The following PNPLA6 variants were observed in gnomAD, a reference collection of about 807,000 sequenced individuals.
PNPLA6 encodes the protein patatin like domain 6, lysophospholipase, also known as patatin-like phospholipase domain-containing protein 6.
Under a neutral mutation model 153.7 loss-of-function variants are expected in PNPLA6, and 105 were observed. The ratio of observed to expected loss-of-function variants is 0.68; its 90% CI spans 0.58 to 0.80. PNPLA6 has a LOEUF of 0.80. PNPLA6 is among the 30% of genes least tolerant of loss of function. The pLI, the probability that PNPLA6 is intolerant of heterozygous loss-of-function variation, is 0.00. For missense variants in PNPLA6, 1,423 were observed against 1,919.3 expected, an observed-to-expected ratio of 0.74 and a Z score of 4.83; for synonymous variants, 825 against 822.2, an observed-to-expected ratio of 1.00 and a Z score of -0.06.
rs753933888 is a variant in PNPLA6, at chr19:7,554,264, A to G, written c.2457A>G (p.Ala819=). ...TCCGGGCACGCCTGGGGGCCTCCGC[A>G]CTGGATAGGTGTGTGTTGCAGAAGG... ...DIIRARLGAS[A]LDSIQEFRLS... is the part of the protein sequence containing the mutation. Residue 819 remains alanine, a synonymous_variant, in exon 20 of 32, where the codon GCA becomes GCG. Transcript: ENST00000600737. The G allele has an allele frequency of 2.5e-5, 41 of 1,613,462 alleles. No individual in the cohort carries two copies. The highest frequency in any genetic ancestry group is 3.2e-5 in the Non-Finnish European group (38 of 1,179,664).
chr19:7,547,576 A>C (rs1184617394), intron 13 of PNPLA6, among the ~76,000 whole-genome samples: 1 of 146,348 alleles, frequency 6.8e-6, no homozygotes, highest in African/African-American at 2.5e-5. Flanking sequence ...TGAAACTATC[A>C]AGCGATCCTT....
At position 7,560,114 on chromosome 19, in the gene PNPLA6, C is replaced by T. The variant is rs540489417; in HGVS notation, c.3700-534C>T. On this transcript the variant is annotated intron_variant, in intron 28 of 31. Transcript: ENST00000600737. ...CAAGATTGTGCCACTGCACTCCAGC[C>T]TGGGTGACAGAGTGAGACTCTGTCT... 9.9e-5 allele frequency among the ~76,000 whole-genome samples: 15 copies of T among 152,190 alleles called. No individual in the cohort carries two copies. The South Asian group carries it at 2.9e-3, about 29-fold the overall frequency.
In PNPLA6 at chr19:7,555,254, G is replaced by A. The variant is rs1412059369; in HGVS notation, c.2823G>A (p.Glu941=). Residue 941 remains glutamate, a synonymous_variant, in exon 23 of 32, where the codon GAG becomes GAA. Transcript: ENST00000600737. The surrounding 1 kb of genome is among the most constrained non-coding windows in gnomAD (Gnocchi z 6.3). ...FSRRSPAKLH[E]LYEKVFSRRA... is the part of the protein sequence containing the mutation. ...GACTATCTCCCCCATCCCAGCATGA[G>A]CTCTACGAGAAGGTTTTCTCCAGGC... is the stretch of plus-strand genomic sequence containing the variant. 6.3e-7 allele frequency: 1 copy of A among 1,597,150 alleles called. No individual in the cohort carries two copies. The highest frequency in any genetic ancestry group is 1.1e-5 in the South Asian group (1 of 88,360).
At chr19:7,561,136 G>C in intron 30 of PNPLA6, 26 bp downstream of exon 30, 1 of 1,596,550 alleles carries the variant, frequency 6.3e-7, no homozygotes, top group Non-Finnish European at 8.6e-7. Context: ...GACCCCCCAA[G>C]AGGGAGGGGA....
chr19:7,561,343 C>T (rs778186601), intron 31 of PNPLA6, 26 bp downstream of exon 31: 3 of 1,535,546 alleles, frequency 2.0e-6, no homozygotes, highest in Non-Finnish European at 2.7e-6. Flanking sequence ...CCAGGGTCCC[C>T]TCACATCCCC....
At position 7,540,071 on chromosome 19, in the gene PNPLA6, G is replaced by T. The variant is rs746826877; in HGVS notation, c.554+13G>T. 2.5e-6 allele frequency: 4 copies of T among 1,613,956 alleles called. No individual in the cohort carries two copies. Among genetic ancestry groups the T allele is most frequent in the Admixed American group, 3.3e-5 (2 of 59,978 alleles). Reference sequence around the variant, plus strand: ...TCAAGAACGTCCGGTCAGTGTTGGGGTGCAGGTGGGGGTGGAGGGCTGCAG... The same window carrying T: ...TCAAGAACGTCCGGTCAGTGTTGGGTTGCAGGTGGGGGTGGAGGGCTGCAG... On this transcript the variant is annotated intron_variant, in intron 4 of 31. Coordinates refer to ENST00000600737, the MANE Select transcript of PNPLA6 (RefSeq NM_001166114.2). This position sits in a 1 kb window ranked among gnomAD's most constrained non-coding sequence, Gnocchi z 6.8.
intron 26 of PNPLA6, 52 bp downstream of exon 26, chr19:7,556,776 G>C (rs1420265556): frequency 3.7e-6 from 5 of 1,333,836 alleles, no homozygotes; most frequent in Admixed American, 3.4e-5. Context: ...GTGGGGTTGG[G>C]GGGATGCTTC....
intron 10 of PNPLA6, among the ~76,000 whole-genome samples, 171 bp downstream of exon 10, chr19:7,542,238 G>A (rs1284560723): frequency 6.6e-6 from 1 of 152,232 alleles, no homozygotes; most frequent in East Asian, 1.9e-4. Flanking sequence ...CACCTGTTAA[G>A]AGGGATTCAG....
At chr19:7,560,984 C>CG (rs761838199) in intron 29 of PNPLA6, 30 bp from the exon 30 acceptor site, 7 of 1,502,606 alleles carry the variant, frequency 4.7e-6, no homozygotes, top group East Asian at 4.6e-5. Context: ...GTGGGCCCCC[C>CG]CTAAGAGCCT....
At chr19:7,549,706 C>T in intron 13 of PNPLA6, 3 of 613,664 alleles carry the variant, frequency 4.9e-6, no homozygotes, top group South Asian at 1.9e-5. Context: ...AGGCTGGTGC[C>T]GAACTCCTGG....
At chr19:7,558,524 T>C (rs546909) in intron 27 of PNPLA6, among the ~76,000 whole-genome samples, 87,818 of 151,944 alleles carry the variant, frequency 0.58, 25,753 homozygotes, top group Admixed American at 0.64. Context: ...CCCAGCTACT[T>C]GAGAGGCTGA....
In PNPLA6 at chr19:7,549,909, C is replaced by A; in HGVS notation, c.1611C>A (p.Asp537Glu). The A allele has an allele frequency of 3.7e-6, 6 of 1,613,452 alleles. No individual in the cohort carries two copies. The highest frequency in any genetic ancestry group is 5.1e-6 in the Non-Finnish European group (6 of 1,180,006). The change falls in exon 14 of 32, where the codon GAC becomes GAA. Residue 537 changes from aspartate to glutamate, a missense_variant and splice_region_variant. By Grantham distance (45) the Asp-to-Glu change is conservative. Transcript: ENST00000600737. ...GTIIARQGDQ[D>E]VSLHFVLWGC... is the part of the protein sequence containing the mutation. The stretch of plus-strand genomic sequence containing the variant: ...CATCACATCCCCTGCCCGCACAGGA[C>A]GTGAGCCTGCACTTCGTGCTCTGGG...
Position 7,544,529 on chromosome 19 carries a change from T to G in PNPLA6, c.1608+1445T>G, listed in dbSNP as rs555667302. Among the ~76,000 whole-genome samples the G allele has an allele frequency of 5.3e-5, 8 of 152,268 alleles. No homozygotes were observed. The East Asian group carries it at 1.5e-3, about 29-fold the overall frequency. On this transcript the variant is annotated intron_variant, in intron 13 of 31. Transcript: ENST00000600737. ...CAGGCCGGAACCATACAGTCCATTA[T>G]CCACAGTGTGGGGTTTGCAAGAGTG... is the stretch of plus-strand genomic sequence containing the variant.
intron 17 of PNPLA6, 72 bp from the exon 18 acceptor site, chr19:7,551,290 T>C: frequency 6.8e-7 from 1 of 1,462,044 alleles, no homozygotes; most frequent in Non-Finnish European, 9.6e-7. Context: ...AGCCCCGGCA[T>C]AGGAGGGAGA....
In PNPLA6 at chr19:7,541,056, G is replaced by C; in HGVS notation, c.924+5G>C. ...AGCTTGGTGCGGGTCGTGCAGGTCAGTGGGCCTTCGCCTCCTGTCACCCCC... is the reference window on the plus strand; with the variant it reads ...AGCTTGGTGCGGGTCGTGCAGGTCACTGGGCCTTCGCCTCCTGTCACCCCC... On this transcript the variant is annotated splice_donor_5th_base_variant and intron_variant, in intron 7 of 31. Coordinates refer to ENST00000600737, the MANE Select transcript of PNPLA6 (RefSeq NM_001166114.2). This position sits in a 1 kb window ranked among gnomAD's most constrained non-coding sequence, Gnocchi z 5.2. The C allele has an allele frequency of 6.2e-7, 1 of 1,607,656 alleles. No individual in the cohort carries two copies. Among genetic ancestry groups the C allele is most frequent in the Non-Finnish European group, 8.5e-7 (1 of 1,178,120 alleles).
chr19:7,557,308 G>A (rs374411931), intron 27 of PNPLA6, 24 bp downstream of exon 27: 41 of 1,353,468 alleles, frequency 3.0e-5, no homozygotes, highest in Admixed American at 1.7e-4. Flanking sequence ...CGCACCACCC[G>A]CACACGCAAG....
intron 28 of PNPLA6, among the ~76,000 whole-genome samples, chr19:7,560,083 G>T (rs1336257593): frequency 6.6e-6 from 1 of 152,068 alleles, no homozygotes; most frequent in East Asian, 1.9e-4. Flanking sequence ...AGTGGTTGCA[G>T]TGAGCCAAGA....
At chr19:7,538,766 C>T (rs192279762) in intron 3 of PNPLA6, among the ~76,000 whole-genome samples, 1 of 152,308 alleles carries the variant, frequency 6.6e-6, no homozygotes, top group Admixed American at 6.5e-5. Flanking sequence ...TTATGTAGAA[C>T]AGAGAGACTG....
At chr19:7,536,295 T>TC in intron 2 of PNPLA6, 22 bp downstream of exon 2, 1 of 1,589,348 alleles carries the variant, frequency 6.3e-7, no homozygotes, top group Non-Finnish European at 8.6e-7. Flanking sequence ...ACCCCTGGGG[T>TC]CCGCCCTGAC....
Sources: gnomAD v4.1 joint callset for allele counts (sites outside exome capture counted in the v4.1 genomes callset) on GRCh38, gnomAD v4.1.1 for gene constraint, Gnocchi (gnomAD v3.1) non-coding constraint, MANE v1.5 for transcripts, NCBI Gene and HGNC (gene_info 2026-07-23, HGNC 2026-07-21) for gene names.